Variants in CA10 observed in about 807,000 individuals in gnomAD.
CA10 encodes carbonic anhydrase-related protein 10.
In CA10, 14 loss-of-function variants were observed where a neutral mutation model predicts 44.2. The observed-to-expected ratio is 0.32, with a 90% CI of 0.21 to 0.50. The LOEUF (loss-of-function observed/expected upper bound fraction) is 0.50, where lower values mean the gene tolerates loss of function less well. CA10 is among the 20% of genes least tolerant of loss of function. CA10 has a pLI of 0.99. For missense variants in CA10, 350 were observed against 409.7 expected (o/e 0.85, Z 1.26); for synonymous variants, 159 against 141.6 (o/e 1.12, Z -0.87).
chr17:52,018,972 C>A (rs11655087), intron 2 of CA10, among the ~76,000 whole-genome samples: 1 of 151,972 alleles, frequency 6.6e-6, no homozygotes, highest in African/African-American at 2.4e-5. Context: ...TAAAAGAGAC[C>A]GACACTCCTT....
chr17:51,889,295 G>C (rs963230207), intron 3 of CA10, among the ~76,000 whole-genome samples: 1 of 152,058 alleles, frequency 6.6e-6, no homozygotes, highest in Non-Finnish European at 1.5e-5. Flanking sequence ...GCTGGAGAAG[G>C]CAGATTGCTT....
intron 3 of CA10, chr17:51,763,510 A>G (rs1393458621): frequency 1.3e-5 from 2 of 152,196 alleles, no homozygotes; most frequent in African/African-American, 4.8e-5. Context: ...TTTTCTATAC[A>G]CAGAAGACAA....
At chr17:51,699,075 C>G (rs1296895905) in intron 4 of CA10, among the ~76,000 whole-genome samples, 1 of 152,148 alleles carries the variant, frequency 6.6e-6, no homozygotes, top group Non-Finnish European at 1.5e-5. Context: ...AATCCCAGCA[C>G]TTTGGGAGGC....
chr17:52,152,827 C>T (rs1416342227), intron 1 of CA10, among the ~76,000 whole-genome samples: 1 of 151,986 alleles, frequency 6.6e-6, no homozygotes, highest in East Asian at 1.9e-4. Flanking sequence ...CTCAGCAATG[C>T]TTTGAAATAG....
At chr17:51,971,223 C>T (rs966782831) in intron 2 of CA10, among the ~76,000 whole-genome samples, 1 of 152,018 alleles carries the variant, frequency 6.6e-6, no homozygotes, top group Non-Finnish European at 1.5e-5. Flanking sequence ...ATAAAACATG[C>T]TCATTTTTAC....
intron 3 of CA10, among the ~76,000 whole-genome samples, chr17:51,803,460 C>G (rs1342416666): frequency 6.6e-6 from 1 of 152,192 alleles, no homozygotes; most frequent in Non-Finnish European, 1.5e-5. Context: ...GCTTCTCAGT[C>G]TCTCTCCTAG....
At chr17:51,960,287 T>C (rs1467214418) in intron 2 of CA10, among the ~76,000 whole-genome samples, 1 of 151,902 alleles carries the variant, frequency 6.6e-6, no homozygotes, top group Non-Finnish European at 1.5e-5. Flanking sequence ...GTGGGACATG[T>C]CTTACATTTG....
chr17:51,663,200 T>TTA (rs2143318878), intron 4 of CA10, among the ~76,000 whole-genome samples: 1 of 50 alleles, frequency 0.02, no homozygotes, highest in South Asian at 0.25. Flanking sequence ...CGTGATGCTT[T>TTA]TTTTTTTTCC....
chr17:51,673,739 T>C (rs900898624), intron 4 of CA10, among the ~76,000 whole-genome samples: 3 of 152,186 alleles, frequency 2.0e-5, no homozygotes, highest in Non-Finnish European at 4.4e-5. Context: ...TGGCTCTAGG[T>C]CTAAACATTT....
At chr17:51,930,516 C>T (rs1982612041) in intron 3 of CA10, among the ~76,000 whole-genome samples, 1 of 152,058 alleles carries the variant, frequency 6.6e-6, no homozygotes, top group African/African-American at 2.4e-5. Flanking sequence ...GCAAGATGCC[C>T]CTAGGAAGAT....
intron 3 of CA10, among the ~76,000 whole-genome samples, chr17:51,819,936 C>A (rs1907700827): frequency 6.6e-6 from 1 of 152,172 alleles, no homozygotes. Context: ...CTTTGTTTAT[C>A]CCCCTCTCTG....
chr17:51,886,989 T>G (rs1980631988), intron 3 of CA10, among the ~76,000 whole-genome samples: 1 of 152,146 alleles, frequency 6.6e-6, no homozygotes. Context: ...CTCATGCCTT[T>G]GGACTTGGGA....
intron 2 of CA10, among the ~76,000 whole-genome samples, chr17:52,055,931 C>T (rs1987215695): frequency 6.6e-6 from 1 of 152,046 alleles, no homozygotes; most frequent in Admixed American, 6.6e-5. Context: ...CTGTGAATTT[C>T]AGGTGATCAC....
At chr17:52,057,673 A>C (rs1171100538) in intron 2 of CA10, among the ~76,000 whole-genome samples, 1 of 152,130 alleles carries the variant, frequency 6.6e-6, no homozygotes, top group African/African-American at 2.4e-5. Context: ...CAGTAACTAC[A>C]GCAATTGTTT....
chr17:51,921,015 A>G (rs1982209154), intron 3 of CA10, among the ~76,000 whole-genome samples: 1 of 152,208 alleles, frequency 6.6e-6, no homozygotes, highest in Non-Finnish European at 1.5e-5. Flanking sequence ...TTTGAGGAAT[A>G]ATTTTGATAG....
chr17:52,104,342 A>C (rs545568914), intron 1 of CA10, among the ~76,000 whole-genome samples: 1 of 152,190 alleles, frequency 6.6e-6, no homozygotes, highest in East Asian at 1.9e-4. Context: ...AGCTGGGACT[A>C]CAGGTATGCG....
rs9911623 is a variant in CA10, at chr17:52,039,121, C to A, written c.136+33198G>T. Among the ~76,000 whole-genome samples the A allele has an allele frequency of 1.3e-3, 202 of 151,820 alleles. 1 individual carries two copies. The highest frequency in any genetic ancestry group is 4.1e-3 in the African/African-American group (168 of 41,406). ...GTAGATTAATTCTCCCCCATCTTGA[C>A]AATTTGGTTCTTAGGAATCTGAGAA... On this transcript the variant is annotated intron_variant, in intron 2 of 8. Transcript: ENST00000451037.
At chr17:51,917,705 C>T (rs900052089) in intron 3 of CA10, among the ~76,000 whole-genome samples, 3 of 152,184 alleles carry the variant, frequency 2.0e-5, no homozygotes, top group East Asian at 1.9e-4. Flanking sequence ...AACTCACTCA[C>T]GAGTACAGCA....
At chr17:52,066,509 A>G (rs1179810187) in intron 2 of CA10, among the ~76,000 whole-genome samples, 3 of 152,256 alleles carry the variant, frequency 2.0e-5, no homozygotes, top group East Asian at 3.9e-4. Flanking sequence ...AATGAGTCTC[A>G]TGAGATCTGA....
Sources: gnomAD v4.1 joint callset for allele counts (sites outside exome capture counted in the v4.1 genomes callset) on GRCh38, gnomAD v4.1.1 for gene constraint, MANE v1.5 for transcripts, NCBI Gene and HGNC (gene_info 2026-07-23, HGNC 2026-07-21) for gene names.